Variants in PPFIA3 observed in about 807,000 individuals in gnomAD.
The protein encoded by PPFIA3 is liprin-alpha-3.
In PPFIA3, 26 loss-of-function variants were observed where a neutral mutation model predicts 145.8. The observed-to-expected ratio is 0.18, with a 90% CI of 0.13 to 0.25. The LOEUF (loss-of-function observed/expected upper bound fraction) is 0.25. Among genes scored for constraint, PPFIA3 ranks in the 10% least tolerant of loss-of-function variants. The probability of loss-of-function intolerance (pLI) is 1.00; values close to 1 mark genes in which losing one functional copy is unlikely to be tolerated. For synonymous variants in PPFIA3, 645 were observed against 661.4 expected, an observed-to-expected ratio of 0.98 and a Z score of 0.38; for missense variants, 1,008 against 1,587.8, an observed-to-expected ratio of 0.63 and a Z score of 6.21.
chr19:49,147,220 A>G (rs967284696), intron 23 of PPFIA3, among the ~76,000 whole-genome samples: 3 of 152,090 alleles, frequency 2.0e-5, no homozygotes, highest in Non-Finnish European at 4.4e-5. Flanking sequence ...GGGTTTAGTG[A>G]CGTTGGACTG....
chr19:49,146,740 G>A (rs953158255), intron 23 of PPFIA3, among the ~76,000 whole-genome samples: 4 of 152,106 alleles, frequency 2.6e-5, no homozygotes, highest in African/African-American at 9.7e-5. Context: ...GACCAGTCTG[G>A]CCAACATGGT....
chr19:49,148,351 G>A (rs1246818734), intron 24 of PPFIA3, 93 bp downstream of exon 24: 1 of 1,361,102 alleles, frequency 7.3e-7, no homozygotes, highest in East Asian at 2.5e-5. Context: ...AGATTCCCAG[G>A]CTTATCTTGG....
Position 49,150,122 on chromosome 19 carries a change from G to T in PPFIA3, c.3569G>T (p.Arg1190Leu). The change falls in exon 29 of 30, where the codon CGG (arginine) becomes CTG (leucine). Residue 1190 changes from arginine to leucine, a missense_variant. By Grantham distance (102) the Arg-to-Leu change is moderately radical. This residue lies in a region of PPFIA3 where 125 missense variants were observed against 159.3 expected (regional missense o/e 0.78). Transcript: ENST00000334186. Reference sequence around the variant, plus strand: ...TCCCGGGCAGACGGCGTTTCGGTCCGGACCTATTCCTGCTAGTGCAGGCCT... The same window carrying T: ...TCCCGGGCAGACGGCGTTTCGGTCCTGACCTATTCCTGCTAGTGCAGGCCT... ...GSSRADGVSV[R>L]TYSC The T allele has an allele frequency of 6.2e-7, 1 of 1,611,026 alleles. No homozygotes were observed. The highest frequency in any genetic ancestry group is 1.3e-5 in the African/African-American group (1 of 75,064).
Position 49,149,762 on chromosome 19 carries a change from G to A in PPFIA3, c.3526+44G>A. On this transcript the variant is annotated intron_variant, in intron 28 of 29. Transcript: ENST00000334186. The surrounding 1 kb of genome is among the most constrained non-coding windows in gnomAD (Gnocchi z 5.7). ...CGACAGCCCTTCCTCGCTTCCCTAG[G>A]GTGGGGCATGGACCACCTCAGTAGT... 6.4e-7 allele frequency: 1 copy of A among 1,563,692 alleles called. No individual in the cohort carries two copies. Among genetic ancestry groups the A allele is most frequent in the Non-Finnish European group, 8.6e-7 (1 of 1,158,630 alleles).
In PPFIA3 at chr19:49,149,572, C is replaced by G. The variant is rs778289523; in HGVS notation, c.3380C>G (p.Ser1127Cys). The G allele has an allele frequency of 1.2e-5, 20 of 1,614,080 alleles. No individual in the cohort carries two copies. The highest frequency in any genetic ancestry group is 1.6e-5 in the Non-Finnish European group (19 of 1,180,044). The change falls in exon 28 of 30, where the codon TCC becomes TGC. Residue 1127 changes from serine to cysteine, a missense_variant. This residue lies in a region of PPFIA3 where 125 missense variants were observed against 159.3 expected (regional missense o/e 0.78). Transcript: ENST00000334186. This position sits in a 1 kb window ranked among gnomAD's most constrained non-coding sequence, Gnocchi z 5.7. ...DEDSAKSFSR[S>C]PSWRKMFREK... ...GACAGCGCCAAGTCTTTCAGCCGCT[C>G]CCCATCCTGGCGGAAGATGTTCCGG... is the stretch of plus-strand genomic sequence containing the variant.
intron 24 of PPFIA3, 65 bp downstream of exon 24, chr19:49,148,323 A>T (rs1408217079): frequency 4.6e-6 from 7 of 1,526,762 alleles, no homozygotes; most frequent in Non-Finnish European, 6.2e-6. Context: ...GTCTTTGGCC[A>T]ATAGGATTGG....
At chr19:49,146,477 G>A in intron 23 of PPFIA3, 1 of 537,956 alleles carries the variant, frequency 1.9e-6, no homozygotes, top group African/African-American at 1.9e-5. Flanking sequence ...CTGTAGCTCA[G>A]GAGAGACTGA....
intron 1 of PPFIA3, among the ~76,000 whole-genome samples, chr19:49,127,269 C>T (rs1235668267): frequency 6.6e-6 from 1 of 150,388 alleles, no homozygotes; most frequent in Non-Finnish European, 1.5e-5. Context: ...GTAATCCCAG[C>T]TACTCGGGAG....
At chr19:49,129,036 G>A (rs2041037676) in intron 4 of PPFIA3, 24 bp downstream of exon 4, 1 of 1,559,626 alleles carries the variant, frequency 6.4e-7, no homozygotes, top group Non-Finnish European at 8.7e-7. Context: ...AAGAGCAGGG[G>A]TGGAGAATGG....
Position 49,149,936 on chromosome 19 carries a change from C to T in PPFIA3, c.3527-144C>T, listed in dbSNP as rs1600357188. Reference sequence around the variant, plus strand: ...GAACTCGCCCAATGCGAGTTTGAGTCCTTGGCTGCGGGGAAGGGAGGGAAA... The same window carrying T: ...GAACTCGCCCAATGCGAGTTTGAGTTCTTGGCTGCGGGGAAGGGAGGGAAA... On this transcript the variant is annotated intron_variant, in intron 28 of 29. Coordinates refer to ENST00000334186, the MANE Select transcript of PPFIA3 (RefSeq NM_003660.4). This position sits in a 1 kb window ranked among gnomAD's most constrained non-coding sequence, Gnocchi z 5.7. 1 of 1,175,970 alleles carries T rather than the reference C, an allele frequency of 8.5e-7. No homozygotes were observed. The highest frequency in any genetic ancestry group is 1.2e-6 in the Non-Finnish European group (1 of 838,088). The allele number at this position is 1,175,970 out of a possible 1,614,324, so 72.8% of individuals were successfully genotyped here.
intron 22 of PPFIA3, 73 bp from the exon 23 acceptor site, chr19:49,146,093 T>A: frequency 6.2e-7 from 1 of 1,608,518 alleles, no homozygotes; most frequent in East Asian, 2.2e-5. Context: ...CATCCCTAAG[T>A]CCGCTCCTTG....
intron 15 of PPFIA3, 104 bp downstream of exon 15, chr19:49,137,015 C>A: frequency 8.9e-7 from 1 of 1,118,296 alleles, no homozygotes; most frequent in Non-Finnish European, 1.2e-6. Flanking sequence ...CCTCTTACAC[C>A]ATCCACAAGG....
chr19:49,146,300 C>T, intron 23 of PPFIA3, 108 bp downstream of exon 23: 1 of 1,374,640 alleles, frequency 7.3e-7, no homozygotes, highest in Non-Finnish European at 1.0e-6. Context: ...GCCATCATCC[C>T]CATGGGGGGG....
chr19:49,130,381 C>T lies in PPFIA3; in HGVS notation c.661C>T (p.Leu221Phe). 1.9e-6 allele frequency: 3 copies of T among 1,603,704 alleles called. No individual in the cohort carries two copies. The highest frequency in any genetic ancestry group is 2.6e-6 in the Non-Finnish European group (3 of 1,174,950). ...EPGKDGDGQT[L>F]ANGLGPGGDS... is the part of the protein sequence containing the mutation. ...TCCCCTCCTTCCCTCACTCCAGACT[C>T]TTGCCAATGGCCTGGGTCCTGGCGG... Residue 221 changes from leucine to phenylalanine, a missense_variant, in exon 7 of 30, where the codon CTT becomes TTT. By Grantham distance (22) the Leu-to-Phe change is conservative. Transcript: ENST00000334186. The surrounding 1 kb of genome is among the most constrained non-coding windows in gnomAD (Gnocchi z 4.5).
rs2041100733 is a variant in PPFIA3 at position 49,133,518 on chromosome 19, G to A, written c.1161+147G>A. Reference sequence around the variant, plus strand: ...GGCCTAGGGGCTGGGAAAGGGACAGGACTTGGAATGGGGAGGGCCTGGAGG... The same window carrying A: ...GGCCTAGGGGCTGGGAAAGGGACAGAACTTGGAATGGGGAGGGCCTGGAGG... On this transcript the variant is annotated intron_variant, in intron 9 of 29. Transcript: ENST00000334186. This position sits in a 1 kb window ranked among gnomAD's most constrained non-coding sequence, Gnocchi z 7.2. 1.8e-6 allele frequency: 2 copies of A among 1,116,740 alleles called. No homozygotes were observed. The highest frequency in any genetic ancestry group is 1.6e-5 in the African/African-American group (1 of 63,160). The allele number at this position is 1,116,740 out of a possible 1,614,324, so 69.2% of individuals were successfully genotyped here.
At chr19:49,143,093 C>T in intron 21 of PPFIA3, 89 bp downstream of exon 21, 1 of 1,394,430 alleles carries the variant, frequency 7.2e-7, no homozygotes, top group Non-Finnish European at 9.8e-7. Context: ...CTGCTCACTC[C>T]CCTGTCCCAC....
At chr19:49,123,528 C>T (rs1935524573) in intron 1 of PPFIA3, among the ~76,000 whole-genome samples, 1 of 151,692 alleles carries the variant, frequency 6.6e-6, no homozygotes, top group African/African-American at 2.4e-5. Context: ...GCAACCTCCG[C>T]CTCCCGTGTT....
At chr19:49,141,928 C>T (rs1395700095) in intron 19 of PPFIA3, 106 bp from the exon 20 acceptor site, 14 of 678,466 alleles carry the variant, frequency 2.1e-5, no homozygotes, top group South Asian at 1.7e-4. Flanking sequence ...GCTGCGTGTG[C>T]GTATGTGCAT....
chr19:49,133,844 G>A lies in PPFIA3; in HGVS notation c.1210G>A (p.Ala404Thr). ...NFEERLRQLE[A>T]QLEEKNQELQ... Reference sequence around the variant, plus strand: ...TGAGGAGCGGCTTCGGCAGCTGGAGGCCCAGCTGGAAGAGAAGAATCAAGA... The same window carrying A: ...TGAGGAGCGGCTTCGGCAGCTGGAGACCCAGCTGGAAGAGAAGAATCAAGA... Residue 404 changes from alanine to threonine, a missense_variant, in exon 10 of 30, where the codon GCC becomes ACC. By Grantham distance (58) the Ala-to-Thr change is moderately conservative. This residue lies in a region of PPFIA3 where 109 missense variants were observed against 198.1 expected (regional missense o/e 0.55). Transcript: ENST00000334186. This position sits in a 1 kb window ranked among gnomAD's most constrained non-coding sequence, Gnocchi z 7.2. 1.2e-6 allele frequency: 2 copies of A among 1,613,308 alleles called. No individual in the cohort carries two copies. Among genetic ancestry groups the A allele is most frequent in the Non-Finnish European group, 1.7e-6 (2 of 1,180,006 alleles).
Sources: gnomAD v4.1 joint callset for allele counts (sites outside exome capture counted in the v4.1 genomes callset) on GRCh38, gnomAD v4.1.1 for gene constraint, gnomAD v4.1.1 regional missense constraint, Gnocchi (gnomAD v3.1) non-coding constraint, MANE v1.5 for transcripts, NCBI Gene and HGNC (gene_info 2026-07-23, HGNC 2026-07-21) for gene names.